The following DOK7 variants were observed in gnomAD, a reference collection of about 807,000 sequenced individuals.
DOK7 encodes protein Dok-7.
Under a neutral mutation model 30.7 loss-of-function variants are expected in DOK7, and 32 were observed. That is an observed-to-expected ratio of 1.04 (90% confidence interval 0.79 to 1.40). The LOEUF is 1.40. Among genes scored for constraint, DOK7 ranks in the 40% most tolerant of loss-of-function variants. DOK7 has a pLI of 0.00. For missense variants in DOK7, 1,007 were observed against 699.2 expected (o/e 1.44, Z -4.97); for synonymous variants, 447 against 324.1 (o/e 1.38, Z -4.07).
chr4:3,490,068 C>CATT (rs1167565404), intron 6 of DOK7, among the ~76,000 whole-genome samples: 1 of 67,528 alleles, frequency 1.5e-5, no homozygotes, highest in South Asian at 5.4e-4. Context: ...CTTCCTCCCC[C>CATT]CATTCCTTTC....
At chr4:3,478,508 C>CAGAACCTGCAAATGGGGGCTGGCCCCAT (rs1338663365) in intron 4 of DOK7, among the ~76,000 whole-genome samples, 4 of 138,588 alleles carry the variant, frequency 2.9e-5, no homozygotes, top group African/African-American at 1.1e-4. Context: ...GCTGGCCCCA[C>CAGAACCTGCAAATGGGGGCTGGCCCCAT]AGAACCTGAA....
chr4:3,469,455 G>T (rs112060398), intron 2 of DOK7, among the ~76,000 whole-genome samples: 3 of 152,094 alleles, frequency 2.0e-5, no homozygotes, highest in Non-Finnish European at 4.4e-5. Flanking sequence ...TTCCTCAGCC[G>T]CCAGGCAAGA....
At chr4:3,495,238 T>C (rs186623812), downstream of DOK7, among the ~76,000 whole-genome samples, 2 of 152,348 alleles carry the variant, frequency 1.3e-5, no homozygotes, top group African/African-American at 4.8e-5. Flanking sequence ...CCTGCTGCTG[T>C]CACCTCCGGA....
In DOK7 at chr4:3,476,389, G is replaced by A. The variant is rs763494431; in HGVS notation, c.379G>A (p.Gly127Ser). The A allele has an allele frequency of 1.4e-5, 23 of 1,612,616 alleles. No individual in the cohort carries two copies. Among genetic ancestry groups the A allele is most frequent in the Admixed American group, 1.0e-4 (6 of 59,904 alleles). ...GGCTCCAGGCACCAAGTTGGAGAGC[G>A]GCCCGGCTACCCTGCACCTCTGCAA... ...TVAPGTKLES[G>S]PATLHLCNDV... Residue 127 changes from glycine to serine, a missense_variant, in exon 4 of 7, where the codon GGC (glycine) becomes AGC (serine). Coordinates refer to ENST00000340083, the MANE Select transcript of DOK7 (RefSeq NM_173660.5).
At chr4:3,498,930 GCT>G (rs1729057541), downstream of DOK7, among the ~76,000 whole-genome samples, 2 of 152,208 alleles carry the variant, frequency 1.3e-5, no homozygotes, top group Non-Finnish European at 2.9e-5. Context: ...GCTCCATCTC[GCT>G]CTGTCCCAGC....
rs377025553 is a variant in DOK7 at position 3,473,587 on chromosome 4, C to G, written c.282C>G (p.His94Gln). 7 of 1,607,964 alleles carry G rather than the reference C, an allele frequency of 4.4e-6. No homozygotes were observed. The South Asian group carries it at 7.7e-5, about 18-fold the overall frequency. Residue 94 changes from histidine to glutamine, a missense_variant, in exon 3 of 7, where the codon CAC becomes CAG. Physicochemically the swap from His to Gln is conservative, Grantham distance 24 (BLOSUM62 0). Transcript: ENST00000340083. ...SQAIMLGFDS[H>Q]EAMCAWDARI... ...CCATCATGCTGGGCTTTGACAGCCA[C>G]GAGGCCATGTGTGCGTGGGATGCCC...
chr4:3,489,780 C>T lies in DOK7; in HGVS notation c.756C>T (p.Gly252=). ...GGCTGAGCCTCCTCTCACATGCGGGCAGGCCGGGCAGTGGAGGTAGGGCCG... is the reference window on the plus strand; with the variant it reads ...GGCTGAGCCTCCTCTCACATGCGGGTAGGCCGGGCAGTGGAGGTAGGGCCG... ...EKRLSLLSHA[G]RPGSGGDDRS... The change falls in exon 6 of 7, where the codon GGC becomes GGT. Residue 252 remains glycine, a synonymous_variant. Transcript: ENST00000340083. 6.4e-7 allele frequency: 1 copy of T among 1,573,484 alleles called. No individual in the cohort carries two copies. Among genetic ancestry groups the T allele is most frequent in the Non-Finnish European group, 8.6e-7 (1 of 1,159,190 alleles).
At chr4:3,465,746 G>A (rs1726225843) in intron 2 of DOK7, among the ~76,000 whole-genome samples, 2 of 152,238 alleles carry the variant, frequency 1.3e-5, no homozygotes, top group South Asian at 2.1e-4. Context: ...AGGGTGCCCT[G>A]CAGTGGGACC....
chr4:3,481,212 A>G (rs550982158), intron 4 of DOK7, among the ~76,000 whole-genome samples: 29 of 152,152 alleles, frequency 1.9e-4, no homozygotes, highest in Middle Eastern at 3.4e-3. Flanking sequence ...GAGCCATTGA[A>G]GGTGCTTGAG....
Position 3,493,988 on chromosome 4 carries a change from C to G in DOK7, c.*487C>G, listed in dbSNP as rs927555518. The G allele has an allele frequency of 4.7e-5, 46 of 973,484 alleles. No homozygotes were observed. The highest frequency in any genetic ancestry group is 9.9e-5 in the South Asian group (2 of 20,262). 60.3% of individuals were successfully genotyped at this position (973,484 alleles called of 1,614,324 possible). On this transcript the variant is annotated 3_prime_UTR_variant, in exon 7 of 7. Coordinates refer to ENST00000340083, the MANE Select transcript of DOK7 (RefSeq NM_173660.5). ...GCTCCGGCCACCTGGGCTCCACCAG[C>G]CCAGCCCCCCTGGGCTCCGTGTGCG...
intron 2 of DOK7, among the ~76,000 whole-genome samples, chr4:3,472,698 G>A (rs900607991): frequency 1.3e-5 from 2 of 152,244 alleles, no homozygotes; most frequent in Non-Finnish European, 2.9e-5. Flanking sequence ...TGTGGTGACA[G>A]TGACGTTGGA....
At chr4:3,479,209 A>C (rs2109351134) in intron 4 of DOK7, among the ~76,000 whole-genome samples, 1 of 151,652 alleles carries the variant, frequency 6.6e-6, no homozygotes, top group South Asian at 2.1e-4. Flanking sequence ...TGGCTGTGCC[A>C]CTCCAGTCCC....
chr4:3,499,774 T>C (rs1729100913), intron 6 of DOK7, among the ~76,000 whole-genome samples: 1 of 133,272 alleles, frequency 7.5e-6, no homozygotes, highest in Non-Finnish European at 1.7e-5. Flanking sequence ...CTGCAGCAGG[T>C]GGGGGTGACC....
intron 2 of DOK7, among the ~76,000 whole-genome samples, chr4:3,471,061 G>A (rs1726729670): frequency 6.6e-6 from 1 of 152,266 alleles, no homozygotes; most frequent in Non-Finnish European, 1.5e-5. Context: ...GTGGTGGATG[G>A]TTGGCCAGTG....
intron 2 of DOK7, among the ~76,000 whole-genome samples, chr4:3,468,999 A>AGT (rs1491083362): frequency 3.2e-5 from 3 of 92,682 alleles, no homozygotes; most frequent in African/African-American, 1.3e-4. Context: ...TGCATGTGTG[A>AGT]GTGTGCGTGT....
chr4:3,494,219 G>C lies in DOK7; in HGVS notation c.*718G>C. ...CGGGCCCCTGGTGGGAGCTCTGCTG[G>C]CTCCTGTCTGAACCTCCTCGCAGGG... On this transcript the variant is annotated 3_prime_UTR_variant, in exon 7 of 7. Coordinates refer to ENST00000340083, the MANE Select transcript of DOK7 (RefSeq NM_173660.5). 1.0e-6 allele frequency: 1 copy of C among 985,546 alleles called. No individual in the cohort carries two copies. The highest frequency in any genetic ancestry group is 1.2e-6 in the Non-Finnish European group (1 of 829,996). 61.1% of individuals were successfully genotyped at this position (985,546 alleles called of 1,614,324 possible).
intron 2 of DOK7, among the ~76,000 whole-genome samples, chr4:3,465,447 C>T (rs1313258346): frequency 6.6e-6 from 1 of 152,218 alleles, no homozygotes; most frequent in Non-Finnish European, 1.5e-5. Context: ...ACAGCACAGA[C>T]CCTGCGCTCC....
At chr4:3,481,440 A>G (rs1303072013) in intron 4 of DOK7, among the ~76,000 whole-genome samples, 2 of 150,562 alleles carry the variant, frequency 1.3e-5, no homozygotes, top group Non-Finnish European at 3.0e-5. Context: ...CGGCCCGGGA[A>G]GGGGGGGCCT....
At chr4:3,469,010 ATGAG>A (rs1354396674) in intron 2 of DOK7, among the ~76,000 whole-genome samples, 28 of 132,456 alleles carry the variant, frequency 2.1e-4, no homozygotes, top group Admixed American at 1.7e-3. Context: ...GTGTGCGTGT[ATGAG>A]TGTGTGTGCC....
Sources: allele counts gnomAD v4.1 joint callset (sites outside exome capture counted in the v4.1 genomes callset), GRCh38; gene constraint gnomAD v4.1.1; transcripts MANE v1.5; gene names NCBI Gene and HGNC (gene_info 2026-07-23, HGNC 2026-07-21).